PAPPA: variants seen among roughly 807,000 people sequenced by gnomAD.
The protein encoded by PAPPA is pappalysin-1.
PAPPA carries 60 observed loss-of-function variants against 164.0 expected under a neutral mutation model. That is an observed-to-expected ratio of 0.37 (90% CI 0.30 to 0.45). The LOEUF (loss-of-function observed/expected upper bound fraction) is 0.45, where lower values mean the gene tolerates loss of function less well. Ranked by LOEUF, PAPPA falls within the 20% of genes least tolerant of loss-of-function variation. The probability of loss-of-function intolerance (pLI) is 1.00; values close to 1 mark genes in which losing one functional copy is unlikely to be tolerated. For missense variants in PAPPA, 1,782 were observed against 2,087.3 expected (o/e 0.85, Z 2.85); for synonymous variants, 875 against 814.1 (o/e 1.07, Z -1.27).
chr9:116,310,755 T>C (rs1002977416), intron 10 of PAPPA, among the ~76,000 whole-genome samples: 2 of 152,200 alleles, frequency 1.3e-5, no homozygotes, highest in Non-Finnish European at 2.9e-5. Flanking sequence ...TCTGAGTGAC[T>C]GGAGCTTTAT....
At chr9:116,349,264 C>A (rs1846251128) in intron 15 of PAPPA, among the ~76,000 whole-genome samples, 1 of 152,184 alleles carries the variant, frequency 6.6e-6, no homozygotes, top group Non-Finnish European at 1.5e-5. Flanking sequence ...CTTTCACATT[C>A]TAACATGCTA....
At chr9:116,281,887 G>A (rs891360177) in intron 9 of PAPPA, among the ~76,000 whole-genome samples, 3 of 152,118 alleles carry the variant, frequency 2.0e-5, no homozygotes, top group Admixed American at 2.0e-4. Flanking sequence ...GGAAGGTAGG[G>A]GCCATTATCC....
intron 10 of PAPPA, among the ~76,000 whole-genome samples, chr9:116,307,849 T>G (rs1407206680): frequency 6.6e-6 from 1 of 152,146 alleles, no homozygotes; most frequent in African/African-American, 2.4e-5. Flanking sequence ...GGAATCTTAG[T>G]GTCCTGTAGA....
At chr9:116,164,700 G>A (rs2118980032) in intron 1 of PAPPA, among the ~76,000 whole-genome samples, 1 of 152,286 alleles carries the variant, frequency 6.6e-6, no homozygotes, top group South Asian at 2.1e-4. Flanking sequence ...TCTGAAAGGT[G>A]GCTCGGCAGA....
Position 116,400,340 on chromosome 9 carries a change from T to C in PAPPA, c.*3724T>C, listed in dbSNP as rs1256825465. On this transcript the variant is annotated 3_prime_UTR_variant, in exon 22 of 22. Coordinates refer to ENST00000328252, the MANE Select transcript of PAPPA (RefSeq NM_002581.5). The stretch of plus-strand genomic sequence containing the variant: ...GGGATTTGATAACACTGTCTGTTAT[T>C]TTCTGTACATTGTGGTAGGTCCAGG... 1 of 152,186 alleles carries C rather than the reference T, an allele frequency of 6.6e-6. No homozygotes were observed. The highest frequency in any genetic ancestry group is 1.5e-5 in the Non-Finnish European group (1 of 68,040). The allele number at this position is 152,186 out of a possible 1,614,324, so 9.4% of individuals were successfully genotyped here.
At position 116,334,981 on chromosome 9, in the gene PAPPA, T is replaced by C. The variant is rs779971578; in HGVS notation, c.3518T>C (p.Ile1173Thr). The change falls in exon 13 of 22, where the codon ATC (isoleucine) becomes ACC (threonine). Residue 1173 changes from isoleucine (I) to threonine (T), a missense_variant. By Grantham distance (89) the Ile-to-Thr change is moderately conservative (BLOSUM62 -1). This residue lies in a region of PAPPA where 1,324 missense variants were observed against 1,656.9 expected (regional missense o/e 0.80). Coordinates refer to ENST00000328252, the MANE Select transcript of PAPPA (RefSeq NM_002581.5). ...AGCTTCAGTTCGCCCCTGGTCGCCA[T>C]CTCGGGGGTGGCCCTCCGTTCCTTC... ...RVSFSSPLVA[I>T]SGVALRSFDN... is the part of the protein sequence containing the mutation. The C allele has an allele frequency of 1.2e-6, 2 of 1,613,856 alleles. No homozygotes were observed. Among genetic ancestry groups the C allele is most frequent in the Non-Finnish European group, 1.7e-6 (2 of 1,179,966 alleles).
chr9:116,165,448 C>T lies in PAPPA; in HGVS notation c.415+10861C>T, dbSNP rs184289868. 2.3e-3 allele frequency among the ~76,000 whole-genome samples: 348 copies of T among 152,316 alleles called. 6 individuals are homozygous for T. In the Middle Eastern group the frequency reaches 0.031, roughly 13 times the overall value. On this transcript the variant is annotated intron_variant, in intron 1 of 21. Coordinates refer to ENST00000328252, the MANE Select transcript of PAPPA (RefSeq NM_002581.5). Reference sequence around the variant, plus strand: ...TACCATATTCAATCAGTCATCAACTCCTGACTCTCCTGCTTCCTTATAATG... The same window carrying T: ...TACCATATTCAATCAGTCATCAACTTCTGACTCTCCTGCTTCCTTATAATG...
chr9:116,295,024 G>T (rs1237346232), intron 9 of PAPPA, among the ~76,000 whole-genome samples: 1 of 152,116 alleles, frequency 6.6e-6, no homozygotes, highest in African/African-American at 2.4e-5. Flanking sequence ...TTCTCCTTGA[G>T]CTCTAAATTA....
intron 9 of PAPPA, among the ~76,000 whole-genome samples, chr9:116,274,548 G>T (rs1845174711): frequency 1.3e-5 from 2 of 152,168 alleles, no homozygotes; most frequent in Admixed American, 1.3e-4. Context: ...TTAAGACAGT[G>T]GTCAAGATAA....
rs909365310 is a variant in PAPPA at position 116,397,284 on chromosome 9, G to C, written c.*668G>C. On this transcript the variant is annotated 3_prime_UTR_variant, in exon 22 of 22. Transcript: ENST00000328252. ...GTATGCAAAGCGCCCCAATTCTTCT[G>C]CTGCCATGGGGGATTTTACCCCAAC... 1.3e-5 allele frequency: 2 copies of C among 152,660 alleles called. No homozygotes were observed. Among genetic ancestry groups the C allele is most frequent in the East Asian group, 3.9e-4 (2 of 5,186 alleles). The allele number at this position is 152,660 out of a possible 1,614,324, so 9.5% of individuals were successfully genotyped here. A position where few individuals can be genotyped will look rare whatever the true frequency, so the allele number is the denominator to read the frequency against.
intron 10 of PAPPA, among the ~76,000 whole-genome samples, chr9:116,314,741 C>G (rs1429398198): frequency 6.6e-6 from 1 of 152,204 alleles, no homozygotes; most frequent in African/African-American, 2.4e-5. Flanking sequence ...CCATCATTTG[C>G]TCCTCAACCT....
chr9:116,333,911 G>C (rs769899299), intron 12 of PAPPA, among the ~76,000 whole-genome samples: 4 of 152,094 alleles, frequency 2.6e-5, no homozygotes, highest in Non-Finnish European at 4.4e-5. Flanking sequence ...AGCATTCTCC[G>C]AGGCAGCTTC....
chr9:116,342,630 C>G (rs116914318), intron 13 of PAPPA, among the ~76,000 whole-genome samples: 5 of 151,998 alleles, frequency 3.3e-5, no homozygotes, highest in African/African-American at 1.2e-4. Flanking sequence ...AGTTGGGTAT[C>G]GTGAAACTGA....
At chr9:116,201,925 G>T (rs1189025234) in intron 2 of PAPPA, among the ~76,000 whole-genome samples, 1 of 152,314 alleles carries the variant, frequency 6.6e-6, no homozygotes, top group South Asian at 2.1e-4. Flanking sequence ...ATCTACGCAT[G>T]GCCAGTACCA....
In PAPPA at chr9:116,235,503, T is replaced by A. The variant is rs1431393540; in HGVS notation, c.2598T>A (p.Ala866=). ...YTLDEHLEID[A]AMLTSTADTP... ...TGGATGAGCACCTGGAGATCGATGC[T>A]GCCATGTTGACCTCCACTGCAGACA... is the stretch of plus-strand genomic sequence containing the variant. The change falls in exon 7 of 22, where the codon GCT becomes GCA. Residue 866 remains alanine, a synonymous_variant. Transcript: ENST00000328252. The A allele has an allele frequency of 2.5e-6, 4 of 1,613,568 alleles. No homozygotes were observed. The Admixed American group carries it at 6.7e-5, about 27-fold the overall frequency.
intron 1 of PAPPA, among the ~76,000 whole-genome samples, chr9:116,186,890 C>T (rs958926913): frequency 2.0e-5 from 3 of 152,086 alleles, no homozygotes; most frequent in Non-Finnish European, 2.9e-5. Context: ...ATATTCAAAA[C>T]CAATAAAAGT....
chr9:116,274,214 G>A (rs1845170786), intron 9 of PAPPA, among the ~76,000 whole-genome samples: 1 of 152,148 alleles, frequency 6.6e-6, no homozygotes, highest in Non-Finnish European at 1.5e-5. Flanking sequence ...ACAGTGTCTA[G>A]GGAAGGCTCT....
chr9:116,381,937 T>G (rs139151952), intron 20 of PAPPA, among the ~76,000 whole-genome samples: 1 of 152,352 alleles, frequency 6.6e-6, no homozygotes, highest in African/African-American at 2.4e-5. Context: ...TCTTAATGCT[T>G]CTTGGGCAGT....
At chr9:116,194,297 A>G (rs150083120) in intron 2 of PAPPA, among the ~76,000 whole-genome samples, 1 of 152,306 alleles carries the variant, frequency 6.6e-6, no homozygotes, top group African/African-American at 2.4e-5. Flanking sequence ...GGATCACACA[A>G]TTGCCATGAG....
Sources: allele counts gnomAD v4.1 joint callset (sites outside exome capture counted in the v4.1 genomes callset), GRCh38; gene constraint gnomAD v4.1.1; regional missense constraint gnomAD v4.1.1; transcripts MANE v1.5; gene names NCBI Gene and HGNC (gene_info 2026-07-23, HGNC 2026-07-21).